Variants in PDE5A observed in about 807,000 individuals in gnomAD.
PDE5A encodes the protein phosphodiesterase 5A.
A neutral mutation model predicts 110.2 loss-of-function variants in PDE5A; 67 were observed. The ratio of observed to expected loss-of-function variants is 0.61; its 90% CI spans 0.50 to 0.75. The LOEUF (loss-of-function observed/expected upper bound fraction) is 0.75. PDE5A is among the 30% of genes least tolerant of loss of function. PDE5A has a pLI of 0.00. For missense variants in PDE5A, 862 were observed against 1,045.1 expected (o/e 0.82, Z 2.42); for synonymous variants, 328 against 351.2 (o/e 0.93, Z 0.74).
At chr4:119,592,400 G>A (rs1729005193) in intron 3 of PDE5A, among the ~76,000 whole-genome samples, 1 of 144,936 alleles carries the variant, frequency 6.9e-6, no homozygotes, top group Non-Finnish European at 1.5e-5. Context: ...GGAGGCTGCA[G>A]TGAGCCGAGA....
chr4:119,581,082 T>G (rs990312188), intron 3 of PDE5A, among the ~76,000 whole-genome samples: 2 of 152,218 alleles, frequency 1.3e-5, no homozygotes, highest in African/African-American at 4.8e-5. Flanking sequence ...CTGTACTTAT[T>G]ATGAGTCCAT....
intron 1 of PDE5A, among the ~76,000 whole-genome samples, chr4:119,609,148 C>A (rs949000194): frequency 6.7e-6 from 1 of 150,206 alleles, no homozygotes; most frequent in Non-Finnish European, 1.5e-5. Flanking sequence ...GGCTACAGTT[C>A]GAGACTCCGT....
At chr4:119,590,206 T>C (rs1056501445) in intron 3 of PDE5A, among the ~76,000 whole-genome samples, 6 of 152,214 alleles carry the variant, frequency 3.9e-5, no homozygotes, top group African/African-American at 1.4e-4. Flanking sequence ...TTACCTCTTA[T>C]GGTTGTCATG....
At chr4:119,537,452 TTTGAAACTAC>T (rs1457672688) in intron 11 of PDE5A, among the ~76,000 whole-genome samples, 1 of 152,068 alleles carries the variant, frequency 6.6e-6, no homozygotes, top group African/African-American at 2.4e-5. Flanking sequence ...CTCCTCCCTT[TTTGAAACTAC>T]TTTATTTTGC....
chr4:119,502,081 T>C (rs1725361000), intron 19 of PDE5A, among the ~76,000 whole-genome samples: 2 of 152,126 alleles, frequency 1.3e-5, no homozygotes, highest in South Asian at 4.1e-4. Flanking sequence ...TCATCTTTCC[T>C]CCATGTTTCT....
chr4:119,564,288 A>C (rs1271118456), intron 5 of PDE5A, among the ~76,000 whole-genome samples: 1 of 152,132 alleles, frequency 6.6e-6, no homozygotes, highest in African/African-American at 2.4e-5. Context: ...TTAGAATTTT[A>C]TACCCAGCCA....
At chr4:119,537,566 T>C (rs1384221156) in intron 11 of PDE5A, among the ~76,000 whole-genome samples, 4 of 152,090 alleles carry the variant, frequency 2.6e-5, no homozygotes, top group African/African-American at 9.7e-5. Flanking sequence ...TCCTTCCATC[T>C]AAGGCTATAT....
intron 1 of PDE5A, among the ~76,000 whole-genome samples, chr4:119,625,080 G>C (rs1018555907): frequency 6.9e-6 from 1 of 144,036 alleles, no homozygotes; most frequent in Non-Finnish European, 1.5e-5. Flanking sequence ...GAGCAATCTT[G>C]GCTCACTGCA....
intron 4 of PDE5A, among the ~76,000 whole-genome samples, chr4:119,566,857 A>C (rs1049871919): frequency 2.0e-5 from 3 of 152,174 alleles, no homozygotes; most frequent in African/African-American, 7.2e-5. Flanking sequence ...GCAAGGAGGG[A>C]ATTTGGGGGT....
Position 119,498,362 on chromosome 4 carries a change from G to C in PDE5A, c.*239C>G. 1 of 453,980 alleles carries C rather than the reference G, an allele frequency of 2.2e-6. No homozygotes were observed. Among genetic ancestry groups the C allele is most frequent in the East Asian group, 3.3e-5 (1 of 29,968 alleles). The allele number at this position is 453,980 out of a possible 1,614,324, so 28.1% of individuals were successfully genotyped here. ...TCACAAACAATGCTTTTATCAATGT[G>C]CTAACAGTGGATGTTGTTGATCCTT... is the stretch of plus-strand genomic sequence containing the variant. On this transcript the variant is annotated 3_prime_UTR_variant, in exon 21 of 21. Transcript: ENST00000354960.
intron 3 of PDE5A, among the ~76,000 whole-genome samples, chr4:119,573,600 T>C (rs1392886188): frequency 6.6e-6 from 1 of 152,228 alleles, no homozygotes; most frequent in East Asian, 1.9e-4. Flanking sequence ...ACTGGTAAGA[T>C]TGATTTTATC....
chr4:119,581,425 A>G (rs1728585177), intron 3 of PDE5A, among the ~76,000 whole-genome samples: 1 of 152,106 alleles, frequency 6.6e-6, no homozygotes, highest in South Asian at 2.1e-4. Flanking sequence ...TTCAAGAAAA[A>G]CATGTGTGTG....
At chr4:119,573,381 G>A (rs777395143) in intron 3 of PDE5A, among the ~76,000 whole-genome samples, 41 of 152,108 alleles carry the variant, frequency 2.7e-4, no homozygotes, top group Admixed American at 6.6e-4. Flanking sequence ...AATCTGATGG[G>A]CATAAAATTG....
chr4:119,559,501 T>C (rs980352657), intron 7 of PDE5A, among the ~76,000 whole-genome samples: 4 of 152,186 alleles, frequency 2.6e-5, no homozygotes, highest in Admixed American at 2.6e-4. Context: ...TATTTATGTA[T>C]AGGAACTCAT....
intron 1 of PDE5A, among the ~76,000 whole-genome samples, chr4:119,611,381 GAATA>G (rs1401848939): frequency 2.6e-5 from 4 of 152,184 alleles, no homozygotes; most frequent in African/African-American, 9.7e-5. Context: ...TGAAGTAAAT[GAATA>G]AATAAATGAA....
At chr4:119,504,157 T>C (rs867065613) in intron 18 of PDE5A, among the ~76,000 whole-genome samples, 1 of 152,206 alleles carries the variant, frequency 6.6e-6, no homozygotes. Flanking sequence ...TATGTCCGTG[T>C]GTACCTACTG....
chr4:119,565,148 AAAC>A (rs1727879471), intron 5 of PDE5A, among the ~76,000 whole-genome samples, 170 bp downstream of exon 5: 1 of 152,194 alleles, frequency 6.6e-6, no homozygotes, highest in Non-Finnish European at 1.5e-5. Flanking sequence ...CTAATAAGAT[AAAC>A]AACTAAGCAT....
chr4:119,563,025 C>G, intron 5 of PDE5A, 55 bp from the exon 6 acceptor site: 4 of 1,436,048 alleles, frequency 2.8e-6, no homozygotes, highest in Non-Finnish European at 3.8e-6. Context: ...ATTATTAAAG[C>G]ACAATTATTT....
chr4:119,524,145 G>A (rs1020861351), intron 12 of PDE5A, among the ~76,000 whole-genome samples: 2 of 151,990 alleles, frequency 1.3e-5, no homozygotes, highest in Admixed American at 6.6e-5. Context: ...ACAGATGCAC[G>A]TATAATTCTC....
Sources: allele counts gnomAD v4.1 joint callset (sites outside exome capture counted in the v4.1 genomes callset), GRCh38; gene constraint gnomAD v4.1.1; transcripts MANE v1.5; gene names NCBI Gene and HGNC (gene_info 2026-07-23, HGNC 2026-07-21).